The following CACNA1C variants were observed in gnomAD, a reference collection of about 807,000 sequenced individuals.
CACNA1C encodes calcium voltage-gated channel subunit alpha1 C, also known as voltage-dependent L-type calcium channel subunit alpha-1C.
Under a neutral mutation model 229.0 loss-of-function variants are expected in CACNA1C, and 30 were observed. That is an observed-to-expected ratio of 0.13 (90% CI 0.10 to 0.18). The LOEUF (loss-of-function observed/expected upper bound fraction) is 0.18, where lower values mean the gene tolerates loss of function less well. Ranked by LOEUF, CACNA1C falls within the 10% of genes least tolerant of loss-of-function variation. The probability of loss-of-function intolerance (pLI) is 1.00; values close to 1 mark genes in which losing one functional copy is unlikely to be tolerated. For synonymous variants in CACNA1C, 1,114 were observed against 1,132.5 expected, an observed-to-expected ratio of 0.98 and a Z score of 0.33; for missense variants, 1,658 against 2,845.0, an observed-to-expected ratio of 0.58 and a Z score of 9.49.
intron 3 of CACNA1C, among the ~76,000 whole-genome samples, chr12:2,247,195 G>A (rs540610173): frequency 3.3e-5 from 5 of 152,198 alleles, no homozygotes; most frequent in African/African-American, 7.2e-5. Context: ...TTTGGGCAGC[G>A]GGGATGGCCT....
chr12:2,044,569 G>A lies in CACNA1C; in HGVS notation c.140-70655G>A, dbSNP rs574042734. ...TAGTTATATGGCATTGAGGTTTACC[G>A]TTCCAGGAATGTAAATATTTGGAAT... On this transcript the variant is annotated intron_variant, in intron 1 of 46. Transcript: ENST00000682462. Among the ~76,000 whole-genome samples the A allele has an allele frequency of 6.7e-4, 102 of 152,274 alleles. 1 individual carries two copies. Among genetic ancestry groups the A allele is most frequent in the Non-Finnish European group, 9.0e-4 (61 of 68,012 alleles).
At chr12:2,328,670 TCAATGAATGC>T (rs1458690459) in intron 3 of CACNA1C, among the ~76,000 whole-genome samples, 1 of 152,310 alleles carries the variant, frequency 6.6e-6, no homozygotes. Flanking sequence ...GAGAACTGAA[TCAATGAATGC>T]CACTTGGTCT....
intron 2 of CACNA1C, 71 bp downstream of exon 2, chr12:2,115,616 T>C (rs1245360123): frequency 6.8e-7 from 1 of 1,465,604 alleles, no homozygotes; most frequent in Non-Finnish European, 9.5e-7. Context: ...CGAGGCTCCC[T>C]GGGCCACGAG....
intron 3 of CACNA1C, among the ~76,000 whole-genome samples, chr12:2,188,859 G>A (rs192436646): frequency 2.0e-5 from 3 of 152,076 alleles, no homozygotes; most frequent in Non-Finnish European, 2.9e-5. Flanking sequence ...TTGGGAGGCC[G>A]AGGCAGGCGG....
Position 2,696,389 on chromosome 12 carries a change from A to G in CACNA1C, c.*5190A>G, listed in dbSNP as rs2097842725. Reference sequence around the variant, plus strand: ...TTGAAATGTTACATCACCAGAGCCAAGTCCTCTCCCTTCAGATCAGTTACT... The same window carrying G: ...TTGAAATGTTACATCACCAGAGCCAGGTCCTCTCCCTTCAGATCAGTTACT... On this transcript the variant is annotated 3_prime_UTR_variant, in exon 47 of 47. Transcript: ENST00000399655. 6.6e-6 allele frequency: 1 copy of G among 152,208 alleles called. No homozygotes were observed. The highest frequency in any genetic ancestry group is 1.5e-5 in the Non-Finnish European group (1 of 68,050). The allele number at this position is 152,208 out of a possible 1,614,324, so 9.4% of individuals were successfully genotyped here.
chr12:2,592,199 G>A (rs1362969473), intron 18 of CACNA1C, among the ~76,000 whole-genome samples: 3 of 152,212 alleles, frequency 2.0e-5, no homozygotes, highest in South Asian at 4.1e-4. Context: ...ATCTGACTGA[G>A]AAAGATGTTG....
chr12:2,214,279 C>A (rs145854029), intron 3 of CACNA1C, among the ~76,000 whole-genome samples: 109 of 152,298 alleles, frequency 7.2e-4, no homozygotes, highest in African/African-American at 2.6e-3. Flanking sequence ...GGCTCCTGCT[C>A]ACCATTTCTA....
At chr12:2,424,698 G>A (rs2099012083) in intron 3 of CACNA1C, among the ~76,000 whole-genome samples, 1 of 152,186 alleles carries the variant, frequency 6.6e-6, no homozygotes, top group South Asian at 2.1e-4. Context: ...CCTTCTGCCT[G>A]CCTCCCTCTC....
intron 3 of CACNA1C, among the ~76,000 whole-genome samples, chr12:2,257,667 G>A (rs933340414): frequency 2.0e-5 from 3 of 152,234 alleles, no homozygotes; most frequent in African/African-American, 4.8e-5. Context: ...CCGCTCTAGC[G>A]TGTTCCCTTC....
intron 18 of CACNA1C, among the ~76,000 whole-genome samples, chr12:2,588,137 C>T (rs992986571): frequency 6.6e-6 from 1 of 152,226 alleles, no homozygotes. Flanking sequence ...CCCAGAGACT[C>T]CTCCGAAGAT....
chr12:2,232,204 G>A (rs950811082), intron 3 of CACNA1C, among the ~76,000 whole-genome samples: 1 of 145,542 alleles, frequency 6.9e-6, no homozygotes, highest in African/African-American at 2.6e-5. Context: ...CATCCAAGTG[G>A]TGGTAGTTCT....
Position 2,493,122 on chromosome 12 carries a change from C to T in CACNA1C, c.917-68C>T, listed in dbSNP as rs145943642. 57 of 1,389,680 alleles carry T rather than the reference C, an allele frequency of 4.1e-5. No homozygotes were observed. The highest frequency in any genetic ancestry group is 5.4e-5 in the Admixed American group (3 of 55,394). 86.1% of individuals were successfully genotyped at this position (1,389,680 alleles called of 1,614,324 possible). On this transcript the variant is annotated intron_variant, in intron 6 of 46. Transcript: ENST00000399655. This position sits in a 1 kb window ranked among gnomAD's most constrained non-coding sequence, Gnocchi z 4.6. ...CTCATCCTGTCACTTTTCTCTCTGA[C>T]TTCTTTCTCTGCCCACATCTCTCCC... is the stretch of plus-strand genomic sequence containing the variant.
chr12:2,577,352 A>T (rs901270680), intron 13 of CACNA1C, among the ~76,000 whole-genome samples: 1 of 152,236 alleles, frequency 6.6e-6, no homozygotes, highest in Non-Finnish European at 1.5e-5. Context: ...GAATTTGAGA[A>T]TGTGAGTTCT....
chr12:2,384,788 T>C lies in CACNA1C; in HGVS notation c.478-64188T>C, dbSNP rs1448989029. Among the ~76,000 whole-genome samples the C allele has an allele frequency of 2.6e-5, 4 of 152,182 alleles. No individual in the cohort carries two copies. In the East Asian group the frequency reaches 7.7e-4, roughly 29 times the overall value. Reference sequence around the variant, plus strand: ...GACAGATGAACTCCATAGCAAGGCATTGCAAGAGGCCTTTGGAGAAATTCC... The same window carrying C: ...GACAGATGAACTCCATAGCAAGGCACTGCAAGAGGCCTTTGGAGAAATTCC... On this transcript the variant is annotated intron_variant, in intron 3 of 46. Coordinates refer to ENST00000399655, the MANE Select transcript of CACNA1C (RefSeq NM_000719.7).
chr12:2,524,082 C>T lies in CACNA1C; in HGVS notation c.1390+11098C>T, dbSNP rs529192264. ...TAGCCACGTATTGTATTTCCATCGT[C>T]GGGTGCATGGCATGGGAGGATGATT... On this transcript the variant is annotated intron_variant, in intron 9 of 46. Coordinates refer to ENST00000399655, the MANE Select transcript of CACNA1C (RefSeq NM_000719.7). 8.5e-5 allele frequency among the ~76,000 whole-genome samples: 13 copies of T among 152,296 alleles called. No individual in the cohort carries two copies. The South Asian group carries it at 2.7e-3, about 32-fold the overall frequency.
At chr12:2,199,920 C>T (rs2097535267) in intron 3 of CACNA1C, among the ~76,000 whole-genome samples, 1 of 152,144 alleles carries the variant, frequency 6.6e-6, no homozygotes, top group African/African-American at 2.4e-5. Context: ...CTACCATCCT[C>T]CCAGCTCCTC....
chr12:2,135,826 A>G (rs7304031), intron 3 of CACNA1C, among the ~76,000 whole-genome samples: 9,841 of 140,066 alleles, frequency 0.07, 1,397 homozygotes, highest in African/African-American at 0.18. Context: ...GAGCTGTGGT[A>G]GGCTCCACCC....
chr12:2,341,844 A>T (rs1293433476), intron 3 of CACNA1C, among the ~76,000 whole-genome samples: 1 of 152,134 alleles, frequency 6.6e-6, no homozygotes, highest in Non-Finnish European at 1.5e-5. Flanking sequence ...CCTGGCTGTG[A>T]TGATCTGTTT....
At chr12:2,593,718 G>C (rs142713249) in intron 19 of CACNA1C, among the ~76,000 whole-genome samples, 1 of 152,134 alleles carries the variant, frequency 6.6e-6, no homozygotes, top group African/African-American at 2.4e-5. Context: ...TGGAATTGTC[G>C]TTAGTATTTT....
Sources: allele counts gnomAD v4.1 joint callset (sites outside exome capture counted in the v4.1 genomes callset), GRCh38; gene constraint gnomAD v4.1.1; non-coding constraint Gnocchi (gnomAD v3.1); transcripts MANE v1.5; gene names NCBI Gene and HGNC (gene_info 2026-07-23, HGNC 2026-07-21).